SLC4A4: variants seen among roughly 807,000 people sequenced by gnomAD.
SLC4A4 encodes the protein electrogenic sodium bicarbonate cotransporter 1.
Under a neutral mutation model 111.5 loss-of-function variants are expected in SLC4A4, and 27 were observed. The observed-to-expected ratio is 0.24, with a 90% confidence interval of 0.18 to 0.33. The LOEUF (loss-of-function observed/expected upper bound fraction) is 0.33. Among genes scored for constraint, SLC4A4 ranks in the 10% least tolerant of loss-of-function variants. SLC4A4 has a pLI of 1.00. For missense variants in SLC4A4, 909 were observed against 1,315.5 expected, an observed-to-expected ratio of 0.69 and a Z score of 4.78; for synonymous variants, 443 against 463.4, an observed-to-expected ratio of 0.96 and a Z score of 0.57.
chr4:71,399,084 A>T lies in SLC4A4; in HGVS notation c.807+1431A>T, dbSNP rs1214372605. Among the ~76,000 whole-genome samples, 3 of 152,218 alleles carry T rather than the reference A, an allele frequency of 2.0e-5. No individual in the cohort carries two copies. The East Asian group carries it at 5.8e-4, about 29-fold the overall frequency. ...AGCATTTATATTAGGTATTATAAGT[A>T]ATCTAGAGCAATTTAAAGTGTATAT... On this transcript the variant is annotated intron_variant, in intron 7 of 25. Coordinates refer to ENST00000264485, the MANE Select transcript of SLC4A4 (RefSeq NM_001098484.3).
At chr4:71,191,786 A>G (rs1048649398) in intron 1 of SLC4A4, among the ~76,000 whole-genome samples, 9 of 152,250 alleles carry the variant, frequency 5.9e-5, no homozygotes, top group Non-Finnish European at 7.3e-5. Context: ...AAATTAAGTG[A>G]AATTAGGATG....
chr4:71,179,555 C>T (rs886154056), intron 2 of SLC4A4, among the ~76,000 whole-genome samples: 3 of 140,082 alleles, frequency 2.1e-5, no homozygotes, highest in African/African-American at 9.9e-5. Context: ...TTCTTATATA[C>T]CAATAACAGA....
intron 1 of SLC4A4, among the ~76,000 whole-genome samples, chr4:71,204,802 T>G (rs1324106746): frequency 1.3e-5 from 2 of 152,196 alleles, no homozygotes; most frequent in African/African-American, 4.8e-5. Context: ...ATATAGACCA[T>G]GTATATGTCT....
At chr4:71,158,560 G>A (rs983217787) in intron 2 of SLC4A4, among the ~76,000 whole-genome samples, 9 of 152,178 alleles carry the variant, frequency 5.9e-5, no homozygotes, top group South Asian at 4.1e-4. Context: ...TACTTAGAAT[G>A]GCAAAGGGCC....
At chr4:71,085,898 G>A (rs888503616) in intron 1 of SLC4A4, among the ~76,000 whole-genome samples, 1 of 151,880 alleles carries the variant, frequency 6.6e-6, no homozygotes, top group Non-Finnish European at 1.5e-5. Flanking sequence ...CTCTTTTTTG[G>A]TTCCATATGA....
intron 6 of SLC4A4, among the ~76,000 whole-genome samples, chr4:71,395,435 T>A (rs1422175570): frequency 6.6e-6 from 1 of 152,204 alleles, no homozygotes; most frequent in Non-Finnish European, 1.5e-5. Context: ...AATACTAGTC[T>A]TCTCTTCCTC....
chr4:71,196,363 G>A (rs951402150), intron 1 of SLC4A4, among the ~76,000 whole-genome samples: 7 of 152,048 alleles, frequency 4.6e-5, no homozygotes, highest in African/African-American at 1.2e-4. Context: ...GGGAGAAGGC[G>A]GATAGGAAAT....
intron 1 of SLC4A4, among the ~76,000 whole-genome samples, chr4:71,085,861 A>G (rs376086088): frequency 3.3e-5 from 5 of 151,858 alleles, no homozygotes; most frequent in Non-Finnish European, 7.4e-5. Flanking sequence ...TTGTTCTTTT[A>G]GCTTAGGATT....
At chr4:71,195,203 G>A (rs557638480) in intron 1 of SLC4A4, among the ~76,000 whole-genome samples, 103 of 102,736 alleles carry the variant, frequency 1.0e-3, no homozygotes, top group Admixed American at 2.3e-3. Flanking sequence ...AAAGACTGAT[G>A]TTCTTTTCCT....
intron 1 of SLC4A4, among the ~76,000 whole-genome samples, chr4:71,221,700 G>C (rs560051860): frequency 3.9e-5 from 6 of 152,322 alleles, no homozygotes; most frequent in Admixed American, 3.3e-4. Context: ...CTTGAGTCAT[G>C]AACTTTGGAG....
chr4:71,454,098 G>C (rs550132779), intron 12 of SLC4A4, among the ~76,000 whole-genome samples: 1 of 151,944 alleles, frequency 6.6e-6, no homozygotes, highest in African/African-American at 2.4e-5. Flanking sequence ...ACCATTGAGC[G>C]ATTTGCTCAA....
chr4:71,083,324 A>G (rs1173843459), intron 1 of SLC4A4, among the ~76,000 whole-genome samples: 1 of 151,042 alleles, frequency 6.6e-6, no homozygotes, highest in Non-Finnish European at 1.5e-5. Context: ...CCATGTTCAT[A>G]CATTAGATGT....
At chr4:71,335,186 C>A (rs568473869) in intron 3 of SLC4A4, among the ~76,000 whole-genome samples, 5 of 152,242 alleles carry the variant, frequency 3.3e-5, no homozygotes, top group Admixed American at 3.3e-4. Context: ...ACCTATATAG[C>A]AAACCTGCAC....
chr4:71,101,131 C>T (rs565609489), intron 2 of SLC4A4, among the ~76,000 whole-genome samples: 39 of 152,176 alleles, frequency 2.6e-4, no homozygotes, highest in Middle Eastern at 3.4e-3. Flanking sequence ...TGGTGGCGGG[C>T]GCCTGTAGTC....
chr4:71,209,984 T>G (rs1228672351), intron 1 of SLC4A4, among the ~76,000 whole-genome samples: 1 of 152,256 alleles, frequency 6.6e-6, no homozygotes, highest in East Asian at 1.9e-4. Flanking sequence ...TATACACTTT[T>G]CCGGAGAACG....
chr4:71,570,572 A>T lies in SLC4A4; in HGVS notation c.*2821A>T, dbSNP rs1560634959. 1 of 152,138 alleles carries T rather than the reference A, an allele frequency of 6.6e-6. No homozygotes were observed. The highest frequency in any genetic ancestry group is 1.5e-5 in the Non-Finnish European group (1 of 67,810). 9.4% of individuals were successfully genotyped at this position (152,138 alleles called of 1,614,324 possible). On this transcript the variant is annotated 3_prime_UTR_variant, in exon 26 of 26. Coordinates refer to ENST00000264485, the MANE Select transcript of SLC4A4 (RefSeq NM_001098484.3). ...AACTGGACACAAATTACAACAGTAA[A>T]TTTTTTTATAAGTGCTTCTCCCTTC...
chr4:71,214,841 A>T (rs1362393879), intron 1 of SLC4A4, among the ~76,000 whole-genome samples: 1 of 152,158 alleles, frequency 6.6e-6, no homozygotes, highest in Non-Finnish European at 1.5e-5. Flanking sequence ...ATCTCCACCC[A>T]CTTGAAACTT....
intron 3 of SLC4A4, among the ~76,000 whole-genome samples, chr4:71,305,581 T>C (rs1229388833): frequency 6.6e-6 from 1 of 152,230 alleles, no homozygotes; most frequent in East Asian, 1.9e-4. Context: ...GACAGAACTT[T>C]GGAGTAGAGC....
intron 3 of SLC4A4, among the ~76,000 whole-genome samples, chr4:71,256,852 G>C (rs550586911): frequency 1.6e-4 from 24 of 152,248 alleles, no homozygotes; most frequent in African/African-American, 5.5e-4. Flanking sequence ...TCTGTCCATT[G>C]TGCATGTGAT....
Sources: gnomAD v4.1 joint callset for allele counts (sites outside exome capture counted in the v4.1 genomes callset) on GRCh38, gnomAD v4.1.1 for gene constraint, MANE v1.5 for transcripts, NCBI Gene and HGNC (gene_info 2026-07-23, HGNC 2026-07-21) for gene names.